The following CASD1 variants were observed in gnomAD, a reference collection of about 807,000 sequenced individuals.
CASD1 encodes CAS1 domain sialic acid O acetyltransferase 1.
Under a neutral mutation model 100.0 loss-of-function variants are expected in CASD1, and 41 were observed. That is an observed-to-expected ratio of 0.41 (90% confidence interval 0.32 to 0.53). The LOEUF (loss-of-function observed/expected upper bound fraction) is 0.53. CASD1 is among the 20% of genes least tolerant of loss of function. CASD1 has a pLI of 0.25. For synonymous variants in CASD1, 321 were observed against 315.6 expected, an observed-to-expected ratio of 1.02 and a Z score of -0.18; for missense variants, 774 against 948.7, an observed-to-expected ratio of 0.82 and a Z score of 2.42.
chr7:94,572,880 T>A, the CASD1 span, among the ~76,000 whole-genome samples: 2 of 152,228 alleles, frequency 1.3e-5, no homozygotes, highest in East Asian at 3.8e-4. Flanking sequence ...TATTTAAGCC[T>A]TTAGTCCATC....
chr7:94,632,249 A>G, the CASD1 span, among the ~76,000 whole-genome samples: 1 of 151,974 alleles, frequency 6.6e-6, no homozygotes, highest in Admixed American at 6.6e-5. Context: ...CATTTTCTAC[A>G]TTGCCCTCCA....
the CASD1 span, chr7:94,585,156 T>C: frequency 4.2e-6 from 1 of 239,750 alleles, no homozygotes; most frequent in African/African-American, 2.2e-5. Flanking sequence ...ATAAACCTGT[T>C]TCTAGCGATT....
At chr7:94,583,120 C>T in the CASD1 span, among the ~76,000 whole-genome samples, 1 of 152,216 alleles carries the variant, frequency 6.6e-6, no homozygotes, top group African/African-American at 2.4e-5. Context: ...CTTGGAGGCA[C>T]TGACCTTGAT....
rs1049044866 is a variant in CASD1, at chr7:94,527,166, A to G, written c.356A>G (p.Glu119Gly). The change falls in exon 4 of 18, where the codon GAA becomes GGA. Residue 119 changes from glutamate (E) to glycine (G), a missense_variant. Physicochemically the swap from Glu to Gly is moderately conservative, Grantham distance 98. This residue lies in a region of CASD1 where 61 missense variants were observed against 115.9 expected (regional missense o/e 0.53). Transcript: ENST00000297273. ...PQFKEEGNKH[E>G]NIPFEDKTAS... ...CTCTGTCTCCTTTTATGGCAGCATG[A>G]AAACATTCCTTTTGAAGACAAGACT... 5.0e-6 allele frequency: 8 copies of G among 1,608,912 alleles called. No individual in the cohort carries two copies. Among genetic ancestry groups the G allele is most frequent in the African/African-American group, 1.3e-5 (1 of 74,838 alleles).
chr7:94,629,527 T>C, the CASD1 span: 1 of 557,800 alleles, frequency 1.8e-6, no homozygotes, highest in South Asian at 2.1e-5. Flanking sequence ...TTCCTTAACA[T>C]TCAAAAATAA....
At chr7:94,628,333 A>G in the CASD1 span, 3 of 1,610,864 alleles carry the variant, frequency 1.9e-6, no homozygotes, top group South Asian at 1.1e-5. Flanking sequence ...TTTGTATTAA[A>G]TGTTATGGGA....
At chr7:94,608,706 T>C in the CASD1 span, among the ~76,000 whole-genome samples, 8 of 152,176 alleles carry the variant, frequency 5.3e-5, no homozygotes, top group African/African-American at 1.9e-4. Context: ...GACAGTGTAG[T>C]ATTGGGAAAT....
the CASD1 span, among the ~76,000 whole-genome samples, chr7:94,596,341 TA>T: frequency 6.6e-6 from 1 of 152,166 alleles, no homozygotes; most frequent in East Asian, 1.9e-4. Flanking sequence ...AGGGTTATCT[TA>T]AAATGACAGC....
the CASD1 span, among the ~76,000 whole-genome samples, chr7:94,611,001 A>T: frequency 1.3e-5 from 2 of 152,208 alleles, no homozygotes; most frequent in African/African-American, 4.8e-5. Flanking sequence ...GATAATAGCT[A>T]GTGCTGGTGA....
At chr7:94,595,015 A>G in the CASD1 span, among the ~76,000 whole-genome samples, 1 of 152,148 alleles carries the variant, frequency 6.6e-6, no homozygotes, top group African/African-American at 2.4e-5. Flanking sequence ...TCTGAGGTCA[A>G]TGACCGACAC....
intron 1 of CASD1, among the ~76,000 whole-genome samples, chr7:94,511,481 A>G (rs898791934): frequency 6.6e-6 from 1 of 152,232 alleles, no homozygotes; most frequent in African/African-American, 2.4e-5. Flanking sequence ...TTTAAAAATT[A>G]GATTCTTTAT....
intron 1 of CASD1, among the ~76,000 whole-genome samples, chr7:94,512,825 T>G (rs538146922): frequency 6.6e-6 from 1 of 152,304 alleles, no homozygotes; most frequent in South Asian, 2.1e-4. Context: ...TGGTCTTAGA[T>G]TCAGTGAATT....
chr7:94,581,550 T>A, the CASD1 span, among the ~76,000 whole-genome samples: 5 of 152,200 alleles, frequency 3.3e-5, no homozygotes, highest in African/African-American at 1.2e-4. Flanking sequence ...CTCCAACAGG[T>A]CCCTGTGTGT....
the CASD1 span, among the ~76,000 whole-genome samples, chr7:94,604,997 G>C: frequency 5.3e-5 from 8 of 151,390 alleles, no homozygotes; most frequent in African/African-American, 1.9e-4. Flanking sequence ...ACTAATCATA[G>C]AATTACAGAA....
intron 5 of CASD1, 58 bp downstream of exon 5, chr7:94,528,308 GC>G (rs1368004111): frequency 6.4e-6 from 8 of 1,248,084 alleles, no homozygotes; most frequent in Non-Finnish European, 9.0e-6. Flanking sequence ...CTTTACACAA[GC>G]ATATTTTTAT....
downstream of CASD1, among the ~76,000 whole-genome samples, chr7:94,557,188 A>G (rs1338001370): frequency 2.0e-5 from 3 of 152,074 alleles, no homozygotes; most frequent in Non-Finnish European, 4.4e-5. Context: ...AGGAAGTTTA[A>G]GCATTATGGT....
At chr7:94,591,682 C>T in the CASD1 span, among the ~76,000 whole-genome samples, 2 of 152,140 alleles carry the variant, frequency 1.3e-5, no homozygotes, top group East Asian at 1.9e-4. Context: ...AGCTTGGAAA[C>T]CACTGATCAA....
intron 11 of CASD1, among the ~76,000 whole-genome samples, chr7:94,545,256 C>G (rs892928371): frequency 6.6e-6 from 1 of 152,014 alleles, no homozygotes; most frequent in African/African-American, 2.4e-5. Context: ...CTCAGAAGGA[C>G]GACTTTTTTC....
At chr7:94,519,951 G>A (rs1335059883) in intron 3 of CASD1, among the ~76,000 whole-genome samples, 1 of 152,194 alleles carries the variant, frequency 6.6e-6, no homozygotes, top group South Asian at 2.1e-4. Context: ...GGTTTAGTCT[G>A]CAGCCAAAAG....
Sources: allele counts gnomAD v4.1 joint callset (sites outside exome capture counted in the v4.1 genomes callset), GRCh38; gene constraint gnomAD v4.1.1; regional missense constraint gnomAD v4.1.1; transcripts MANE v1.5; gene names NCBI Gene and HGNC (gene_info 2026-07-23, HGNC 2026-07-21).